KLF8: variants seen among roughly 807,000 people sequenced by gnomAD.
The protein encoded by KLF8 is Krueppel-like factor 8.
Under a neutral mutation model 18.2 loss-of-function variants are expected in KLF8, and 10 were observed. The ratio of observed to expected loss-of-function variants is 0.55; its 90% CI spans 0.34 to 0.93. KLF8 has a LOEUF of 0.93. Among genes scored for constraint, KLF8 ranks in the 40% least tolerant of loss-of-function variants. The pLI is 0.02. For synonymous variants in KLF8, 109 were observed against 97.3 expected, an observed-to-expected ratio of 1.12 and a Z score of -0.71; for missense variants, 264 against 277.9, an observed-to-expected ratio of 0.95 and a Z score of 0.36.
chrX:56,221,775 G>A, the KLF8 span, among the ~76,000 whole-genome samples: 1 of 111,678 alleles, frequency 9.0e-6, no homozygotes, highest in Non-Finnish European at 1.9e-5. Context: ...CCCAAAGAGT[G>A]AGCAGCAGCA....
chrX:55,987,571 G>A, the KLF8 span, among the ~76,000 whole-genome samples: 1 of 112,066 alleles, frequency 8.9e-6, no homozygotes, highest in South Asian at 3.7e-4. Flanking sequence ...TGGTGTATAT[G>A]TGCCACATTT....
the KLF8 span, among the ~76,000 whole-genome samples, chrX:56,183,007 G>A: frequency 2.7e-5 from 3 of 112,536 alleles, no homozygotes; most frequent in Admixed American, 9.4e-5. Flanking sequence ...TGTCAGACAT[G>A]GACGTTTAAG....
the KLF8 span, among the ~76,000 whole-genome samples, chrX:56,215,401 G>A: frequency 9.0e-6 from 1 of 111,226 alleles, no homozygotes; most frequent in Admixed American, 9.6e-5. Context: ...TGGAAGAGAG[G>A]CCCAAGTCGA....
the KLF8 span, among the ~76,000 whole-genome samples, chrX:56,182,161 T>G: frequency 3.6e-5 from 4 of 111,774 alleles, no homozygotes; most frequent in Non-Finnish European, 5.6e-5. Context: ...TGTTCATTTC[T>G]TTTTACTCTT....
the KLF8 span, among the ~76,000 whole-genome samples, chrX:56,182,477 G>T: frequency 6.2e-5 from 7 of 112,380 alleles, no homozygotes; most frequent in Admixed American, 3.8e-4. Flanking sequence ...CCTCATCAAA[G>T]TCATTCTCCA....
chrX:55,934,360 A>G, the KLF8 span, among the ~76,000 whole-genome samples: 1 of 112,032 alleles, frequency 8.9e-6, no homozygotes, highest in African/African-American at 3.2e-5. Flanking sequence ...AAAAGAATCA[A>G]GCAACTGGGG....
At chrX:56,174,513 G>T in the KLF8 span, among the ~76,000 whole-genome samples, 3 of 111,776 alleles carry the variant, frequency 2.7e-5, no homozygotes, top group Non-Finnish European at 5.6e-5. Flanking sequence ...TTTTATTTAG[G>T]ATTTTTGCAT....
At chrX:56,119,069 A>G in the KLF8 span, among the ~76,000 whole-genome samples, 1 of 111,252 alleles carries the variant, frequency 9.0e-6, no homozygotes, top group Non-Finnish European at 1.9e-5. Flanking sequence ...GTGAGGGATT[A>G]TCTTATCTGA....
chrX:56,262,664 T>TTAG (rs2066899560), intron 2 of KLF8, among the ~76,000 whole-genome samples: 1 of 110,943 alleles, frequency 9.0e-6, no homozygotes, highest in Admixed American at 9.6e-5. Context: ...ATTATTATTA[T>TTAG]TATTATTATT....
At chrX:56,035,846 G>C in the KLF8 span, among the ~76,000 whole-genome samples, 1 of 111,648 alleles carries the variant, frequency 9.0e-6, no homozygotes, top group South Asian at 3.7e-4. Context: ...TGAGATGTTT[G>C]AGTTTCTTAC....
At chrX:56,186,441 G>A in the KLF8 span, among the ~76,000 whole-genome samples, 1 of 110,819 alleles carries the variant, frequency 9.0e-6, no homozygotes, top group South Asian at 3.8e-4. Context: ...AGTTTAACAC[G>A]CCACTGTCAA....
chrX:56,115,407 A>G, the KLF8 span, among the ~76,000 whole-genome samples: 4 of 112,203 alleles, frequency 3.6e-5, 1 homozygote, highest in Admixed American at 3.8e-4. Context: ...CACATCTGGA[A>G]AGGAGCATCT....
chrX:56,146,694 C>T, the KLF8 span, among the ~76,000 whole-genome samples: 2 of 88,670 alleles, frequency 2.3e-5, no homozygotes, highest in Non-Finnish European at 4.4e-5. Flanking sequence ...CACATATACC[C>T]CAGAACTTAA....
chrX:56,073,632 A>G, the KLF8 span, among the ~76,000 whole-genome samples: 1 of 111,704 alleles, frequency 9.0e-6, no homozygotes, highest in Non-Finnish European at 1.9e-5. Flanking sequence ...GCTCCAATTT[A>G]TCTGTATCCT....
chrX:56,013,412 G>A, the KLF8 span, among the ~76,000 whole-genome samples: 3 of 111,596 alleles, frequency 2.7e-5, no homozygotes, highest in African/African-American at 9.8e-5. Context: ...TTGGAATTTT[G>A]GGTTAATGCT....
chrX:56,042,672 C>T, the KLF8 span, among the ~76,000 whole-genome samples: 1 of 111,760 alleles, frequency 8.9e-6, no homozygotes, highest in African/African-American at 3.3e-5. Flanking sequence ...CTGTTGTTTT[C>T]TGTTTTTCAT....
the KLF8 span, among the ~76,000 whole-genome samples, chrX:55,998,232 C>T: frequency 8.3e-3 from 910 of 109,460 alleles, 7 homozygotes; most frequent in Middle Eastern, 0.097. Flanking sequence ...TGCCCAGGGA[C>T]GGGCAGGAGA....
At chrX:56,155,385 C>T in the KLF8 span, among the ~76,000 whole-genome samples, 1 of 110,933 alleles carries the variant, frequency 9.0e-6, no homozygotes, top group Non-Finnish European at 1.9e-5. Context: ...TGTTCTCTCT[C>T]ATAGGTGGGA....
At chrX:56,054,773 T>C in the KLF8 span, among the ~76,000 whole-genome samples, 1 of 112,165 alleles carries the variant, frequency 8.9e-6, no homozygotes, top group African/African-American at 3.2e-5. Flanking sequence ...AGTACTCCTA[T>C]GCTCGGTGCA....
Sources: allele counts gnomAD v4.1 joint callset (sites outside exome capture counted in the v4.1 genomes callset), GRCh38; gene constraint gnomAD v4.1.1; transcripts MANE v1.5; gene names NCBI Gene and HGNC (gene_info 2026-07-23, HGNC 2026-07-21).